The following COL11A2 variants were observed in gnomAD, a reference collection of about 807,000 sequenced individuals.
The protein encoded by COL11A2 is collagen alpha-2(XI) chain.
Under a neutral mutation model 273.4 loss-of-function variants are expected in COL11A2, and 116 were observed. The observed-to-expected ratio is 0.42, with a 90% CI of 0.36 to 0.49. The LOEUF (loss-of-function observed/expected upper bound fraction) is 0.49, where lower values mean the gene tolerates loss of function less well. Ranked by LOEUF, COL11A2 falls within the 20% of genes least tolerant of loss-of-function variation. The pLI is 0.00. For synonymous variants in COL11A2, 782 were observed against 864.2 expected (o/e 0.90, Z 1.67); for missense variants, 1,866 against 2,309.0 (o/e 0.81, Z 3.93).
In COL11A2 at chr6:33,168,587, A is replaced by G. The variant is rs747998790; in HGVS notation, c.3907-15T>C. 2.5e-6 allele frequency: 4 copies of G among 1,613,294 alleles called. No individual in the cohort carries two copies. Among genetic ancestry groups the G allele is most frequent in the South Asian group, 2.2e-5 (2 of 91,002 alleles). On this transcript the variant is annotated splice_polypyrimidine_tract_variant and intron_variant, in intron 53 of 65. Transcript: ENST00000341947. ...CCAGGGGATCCCTAGGGAGAGAGGA[A>G]TTGGGGTGGCTGAGTGTTTATCCTC...
In COL11A2 at chr6:33,179,980, C is replaced by T. The variant is rs954220099; in HGVS notation, c.1360-175G>A. On this transcript the variant is annotated intron_variant, in intron 12 of 65. Transcript: ENST00000341947. The surrounding 1 kb of genome is among the most constrained non-coding windows in gnomAD (Gnocchi z 6.4). ...CCAGAAACTCAACTCCTGCCCTCCT[C>T]CACTGTCCAGCCTCTGCCTCCAGAA... is the stretch of plus-strand genomic sequence containing the variant. Among the ~76,000 whole-genome samples the T allele has an allele frequency of 6.6e-6, 1 of 152,226 alleles. No individual in the cohort carries two copies. The highest frequency in any genetic ancestry group is 1.5e-5 in the Non-Finnish European group (1 of 68,040).
chr6:33,175,574 C>T lies in COL11A2; in HGVS notation c.2376G>A (p.Lys792=). The change falls in exon 30 of 66, where the codon AAG becomes AAA. Residue 792 remains lysine (K), a splice_region_variant and synonymous_variant. Coordinates refer to ENST00000341947, the MANE Select transcript of COL11A2 (RefSeq NM_080680.3). The stretch of plus-strand genomic sequence containing the variant: ...AGGCACAGAACCCTCATCCCATCAC[C>T]TTCTCGCCCATGAGCCCTGGGGGCC... ...DPGPPGLMGE[K]GKLGVPGLPG... The T allele has an allele frequency of 6.2e-7, 1 of 1,612,706 alleles. No homozygotes were observed. The highest frequency in any genetic ancestry group is 8.5e-7 in the Non-Finnish European group (1 of 1,179,878).
chr6:33,171,916 G>A, intron 41 of COL11A2, 96 bp from the exon 42 acceptor site: 1 of 1,539,986 alleles, frequency 6.5e-7, no homozygotes, highest in South Asian at 1.1e-5. Flanking sequence ...CCCAAAATCA[G>A]ATGCATTCTG....
Position 33,166,456 on chromosome 6 carries a change from TGGGTGGGCAGCAGAG to T in COL11A2, c.4392+42_4392+56del. ...TTCCATGGAAGTCGTTGGGAGGCTG[TGGGTGGGCAGCAGAG>T]GGGTTTAGGGGATTTTGTGGAGGAA... On this transcript the variant is annotated intron_variant, in intron 60 of 65. Transcript: ENST00000341947. The surrounding 1 kb of genome is among the most constrained non-coding windows in gnomAD (Gnocchi z 4.8). 6.3e-7 allele frequency: 1 copy of T among 1,576,680 alleles called. No individual in the cohort carries two copies.
intron 52 of COL11A2, 35 bp downstream of exon 52, chr6:33,168,920 C>T (rs554779812): frequency 1.9e-6 from 3 of 1,607,248 alleles, no homozygotes; most frequent in Non-Finnish European, 1.7e-6. Flanking sequence ...AAGCCCCACC[C>T]TTTTTGCCCC....
rs149331484 is a variant in COL11A2 at position 33,170,346 on chromosome 6, C to A, written c.3562G>T (p.Ala1188Ser). 7 of 1,613,856 alleles carry A rather than the reference C, an allele frequency of 4.3e-6. No individual in the cohort carries two copies. Among genetic ancestry groups the A allele is most frequent in the Non-Finnish European group, 8.5e-7 (1 of 1,179,938 alleles). ...CTCACATCAGCGCCATTGGGTCCAG[C>A]TGGACCTCGAGGTCCTGGGGGGCCA... is the stretch of plus-strand genomic sequence containing the variant. ...PPGPPGPRGP[A>S]GPNGADGPQG... is the part of the protein sequence containing the mutation. The change falls in exon 48 of 66, where the codon GCT (alanine) becomes TCT (serine). Residue 1188 changes from alanine to serine, a missense_variant. By Grantham distance (99) the Ala-to-Ser change is moderately conservative (BLOSUM62 1). Transcript: ENST00000341947. The surrounding 1 kb of genome is among the most constrained non-coding windows in gnomAD (Gnocchi z 4.3).
chr6:33,167,310 T>A lies in COL11A2; in HGVS notation c.4130A>T (p.Gln1377Leu). The change falls in exon 57 of 66, where the codon CAA (glutamine) becomes CTA (leucine). Residue 1377 changes from glutamine (Q) to leucine (L), a missense_variant. Coordinates refer to ENST00000341947, the MANE Select transcript of COL11A2 (RefSeq NM_080680.3). This position sits in a 1 kb window ranked among gnomAD's most constrained non-coding sequence, Gnocchi z 6.1. ...CTGGCCTGTAGCTCCAGGTCGGCCT[T>A]GCTGACCCTGAAGATTTGAGGGGGC... ...LRGLPGSVGQ[Q>L]GRPGATGQAG... is the part of the protein sequence containing the mutation. 1 of 1,613,694 alleles carries A rather than the reference T, an allele frequency of 6.2e-7. No individual in the cohort carries two copies. Among genetic ancestry groups the A allele is most frequent in the Non-Finnish European group, 8.5e-7 (1 of 1,179,992 alleles).
In COL11A2 at chr6:33,173,964, G is replaced by GC. The variant is rs775560689; in HGVS notation, c.2530-39dup. 3.1e-6 allele frequency: 5 copies of GC among 1,613,820 alleles called. No individual in the cohort carries two copies. The East Asian group carries it at 8.9e-5, about 29-fold the overall frequency. ...GAGGAGTTGTCAGAGAAACCCAAAT[G>GC]CCCCCCTCTGGACCTTGAGCCACCT... On this transcript the variant is annotated intron_variant, in intron 33 of 65. Transcript: ENST00000341947. This position sits in a 1 kb window ranked among gnomAD's most constrained non-coding sequence, Gnocchi z 6.3.
intron 5 of COL11A2, 106 bp from the exon 6 acceptor site, chr6:33,185,884 C>G: frequency 2.4e-6 from 1 of 419,386 alleles, no homozygotes. Flanking sequence ...AGTTGGGAAA[C>G]GGGGGAGGTG....
chr6:33,167,955 A>C lies in COL11A2; in HGVS notation c.3961-103T>G. 8.3e-7 allele frequency: 1 copy of C among 1,198,394 alleles called. No homozygotes were observed. The highest frequency in any genetic ancestry group is 1.2e-6 in the Non-Finnish European group (1 of 817,774). The allele number at this position is 1,198,394 out of a possible 1,614,324, so 74.2% of individuals were successfully genotyped here. A position where few individuals can be genotyped will look rare whatever the true frequency, so the allele number is the denominator to read the frequency against. On this transcript the variant is annotated intron_variant, in intron 54 of 65. Transcript: ENST00000341947. This position sits in a 1 kb window ranked among gnomAD's most constrained non-coding sequence, Gnocchi z 6.1. The stretch of plus-strand genomic sequence containing the variant: ...CACACACATACACATGCACACACAC[A>C]CGTGCATACACAGGGACACGCGCCG...
Position 33,179,044 on chromosome 6 carries a change from C to A in COL11A2, c.1611+29G>T, listed in dbSNP as rs777514814. On this transcript the variant is annotated intron_variant, in intron 16 of 65. Coordinates refer to ENST00000341947, the MANE Select transcript of COL11A2 (RefSeq NM_080680.3). This position sits in a 1 kb window ranked among gnomAD's most constrained non-coding sequence, Gnocchi z 6.4. ...CTACCCTGCAGGCCCTGTCTCCCCA[C>A]AACACCCATCCACCCCTGGGGCACT... 3.7e-5 allele frequency: 59 copies of A among 1,613,990 alleles called. No homozygotes were observed. Among genetic ancestry groups the A allele is most frequent in the Non-Finnish European group, 4.7e-5 (56 of 1,179,982 alleles).
chr6:33,183,944 G>A (rs561302657), intron 8 of COL11A2, among the ~76,000 whole-genome samples: 44 of 151,876 alleles, frequency 2.9e-4, no homozygotes, highest in Middle Eastern at 6.8e-3. Flanking sequence ...GTATCCACAA[G>A]AGTCACAAGG....
rs1583336559 is a variant in COL11A2 at position 33,177,042 on chromosome 6, G to A, written c.2020C>T (p.Pro674Ser). Residue 674 changes from proline to serine, a missense_variant, in exon 25 of 66, where the codon CCT becomes TCT. Coordinates refer to ENST00000341947, the MANE Select transcript of COL11A2 (RefSeq NM_080680.3). The surrounding 1 kb of genome is among the most constrained non-coding windows in gnomAD (Gnocchi z 5.9). ...CCGGGGAGCCCTGGCTTCCCTTGAGGACCCTGCAGGAAGACAAAGAGGCTC... is the reference window on the plus strand; with the variant it reads ...CCGGGGAGCCCTGGCTTCCCTTGAGAACCCTGCAGGAAGACAAAGAGGCTC... Reference protein sequence around the residue: ...GAIGPHGEKGPQGKPGLPGMP... With the variant: ...GAIGPHGEKGSQGKPGLPGMP... The A allele has an allele frequency of 1.2e-6, 2 of 1,612,294 alleles. No individual in the cohort carries two copies.
chr6:33,170,962 C>T lies in COL11A2; in HGVS notation c.3367-45G>A. 6.6e-7 allele frequency: 1 copy of T among 1,518,818 alleles called. No individual in the cohort carries two copies. The highest frequency in any genetic ancestry group is 8.8e-7 in the Non-Finnish European group (1 of 1,139,016). 94.1% of individuals were successfully genotyped at this position (1,518,818 alleles called of 1,614,324 possible). A position where few individuals can be genotyped will look rare whatever the true frequency, so the allele number is the denominator to read the frequency against. On this transcript the variant is annotated intron_variant, in intron 45 of 65. Coordinates refer to ENST00000341947, the MANE Select transcript of COL11A2 (RefSeq NM_080680.3). This position sits in a 1 kb window ranked among gnomAD's most constrained non-coding sequence, Gnocchi z 4.3. ...CAGAGACAAGGACACAGGGATGGGT[C>T]ATGGGTCAGGTGTTCTCTATCCACA...
chr6:33,164,855 C>A lies in COL11A2; in HGVS notation c.4860G>T (p.Thr1620=), dbSNP rs200099239. The change falls in exon 64 of 66, where the codon ACG becomes ACT. Residue 1620 remains threonine, a synonymous_variant. Coordinates refer to ENST00000341947, the MANE Select transcript of COL11A2 (RefSeq NM_080680.3). The surrounding 1 kb of genome is among the most constrained non-coding windows in gnomAD (Gnocchi z 4.7). ...GCAGCGAGGGGCCAGCTCTCACCTG[C>A]GTGACGTCATCCCTAGGCGTCACAC... ...ETCVTPRDDV[T]QFSYVDSEGS... 6.4e-7 allele frequency: 1 copy of A among 1,556,794 alleles called. No individual in the cohort carries two copies. Among genetic ancestry groups the A allele is most frequent in the South Asian group, 1.2e-5 (1 of 84,444 alleles).
In COL11A2 at chr6:33,171,763, G is replaced by A. The variant is rs121912947; in HGVS notation, c.3100C>T (p.Arg1034Cys). 1.9e-6 allele frequency: 3 copies of A among 1,612,842 alleles called. No individual in the cohort carries two copies. The highest frequency in any genetic ancestry group is 8.5e-7 in the Non-Finnish European group (1 of 1,179,960). Reference sequence around the variant, plus strand: ...CCAGGGGGACCCTGCGGGCCTGGGCGCCCTGGCGGACCAATGGGTCCCCCT... The same window carrying A: ...CCAGGGGGACCCTGCGGGCCTGGGCACCCTGGCGGACCAATGGGTCCCCCT... ...GSGGPIGPPG[R>C]PGPQGPPGAA... Residue 1034 changes from arginine to cysteine, a missense_variant, in exon 42 of 66, where the codon CGC (arginine) becomes TGC (cysteine). By Grantham distance (180) the Arg-to-Cys change is radical (BLOSUM62 -3). Coordinates refer to ENST00000341947, the MANE Select transcript of COL11A2 (RefSeq NM_080680.3).
At chr6:33,191,669 T>C (rs774237979) in intron 1 of COL11A2, among the ~76,000 whole-genome samples, 90 of 152,244 alleles carry the variant, frequency 5.9e-4, no homozygotes, top group Non-Finnish European at 1.0e-4. Flanking sequence ...GGGGACCCTG[T>C]CCAGGAGGCC....
intron 8 of COL11A2, among the ~76,000 whole-genome samples, chr6:33,181,882 T>C (rs1771779995): frequency 6.6e-6 from 1 of 152,172 alleles, no homozygotes; most frequent in Non-Finnish European, 1.5e-5. Context: ...TAAGAAACCT[T>C]CCACACATTT....
In COL11A2 at chr6:33,173,659, C is replaced by T; in HGVS notation, c.2628+42G>A. On this transcript the variant is annotated intron_variant, in intron 35 of 65. Coordinates refer to ENST00000341947, the MANE Select transcript of COL11A2 (RefSeq NM_080680.3). The surrounding 1 kb of genome is among the most constrained non-coding windows in gnomAD (Gnocchi z 6.3). ...GGAGGGAGCTGGCTCACCCAGGCTCCCTGGGGACCTCAGGGGAAGGGGACT... is the reference window on the plus strand; with the variant it reads ...GGAGGGAGCTGGCTCACCCAGGCTCTCTGGGGACCTCAGGGGAAGGGGACT... The T allele has an allele frequency of 6.4e-7, 1 of 1,558,422 alleles. No individual in the cohort carries two copies. Among genetic ancestry groups the T allele is most frequent in the Admixed American group, 1.8e-5 (1 of 56,184 alleles).
Sources: allele counts gnomAD v4.1 joint callset (sites outside exome capture counted in the v4.1 genomes callset), GRCh38; gene constraint gnomAD v4.1.1; non-coding constraint Gnocchi (gnomAD v3.1); transcripts MANE v1.5; gene names NCBI Gene and HGNC (gene_info 2026-07-23, HGNC 2026-07-21).